DENND1A: variants seen among roughly 807,000 people sequenced by gnomAD.
The protein encoded by DENND1A is DENN domain-containing protein 1A.
A neutral mutation model predicts 113.7 loss-of-function variants in DENND1A; 51 were observed. That is an observed-to-expected ratio of 0.45 (90% CI 0.36 to 0.57). The LOEUF (loss-of-function observed/expected upper bound fraction) is 0.57. DENND1A is among the 20% of genes least tolerant of loss of function. DENND1A has a pLI of 0.00. For synonymous variants in DENND1A, 565 were observed against 570.8 expected (o/e 0.99, Z 0.14); for missense variants, 1,258 against 1,395.9 (o/e 0.90, Z 1.57).
At chr9:123,605,182 C>T (rs1352270779) in intron 11 of DENND1A, among the ~76,000 whole-genome samples, 1 of 152,178 alleles carries the variant, frequency 6.6e-6, no homozygotes, top group Non-Finnish European at 1.5e-5. Flanking sequence ...ACTGTCATTG[C>T]TGTCACCTTT....
At chr9:123,750,430 C>G (rs2069912805) in intron 5 of DENND1A, among the ~76,000 whole-genome samples, 1 of 152,230 alleles carries the variant, frequency 6.6e-6, no homozygotes, top group Non-Finnish European at 1.5e-5. Flanking sequence ...TGCACCCACA[C>G]AAGCCTTTCA....
At chr9:123,754,371 GAA>G (rs1181716690) in intron 5 of DENND1A, among the ~76,000 whole-genome samples, 2 of 152,154 alleles carry the variant, frequency 1.3e-5, no homozygotes, top group Non-Finnish European at 2.9e-5. Flanking sequence ...CCAACAGAGG[GAA>G]AGTGTCAGTG....
At chr9:123,595,218 A>C (rs1416553178) in intron 11 of DENND1A, among the ~76,000 whole-genome samples, 1 of 152,200 alleles carries the variant, frequency 6.6e-6, no homozygotes, top group Non-Finnish European at 1.5e-5. Flanking sequence ...AGCACCTCCC[A>C]GGTCAGGCCA....
chr9:123,520,944 TG>T (rs1461448429), intron 13 of DENND1A, among the ~76,000 whole-genome samples: 1 of 152,242 alleles, frequency 6.6e-6, no homozygotes, highest in East Asian at 1.9e-4. Flanking sequence ...GTCTGGTTTT[TG>T]TTTCTTTTCC....
At chr9:123,728,680 A>C (rs1266183129) in intron 5 of DENND1A, among the ~76,000 whole-genome samples, 2 of 152,100 alleles carry the variant, frequency 1.3e-5, no homozygotes, top group Non-Finnish European at 2.9e-5. Context: ...AATGAAAAAC[A>C]CAGCTGGAAG....
chr9:123,667,214 T>G, intron 7 of DENND1A, 135 bp from the exon 8 acceptor site: 1 of 824,970 alleles, frequency 1.2e-6, no homozygotes, highest in Middle Eastern at 3.2e-4. Flanking sequence ...GAAACACCCA[T>G]GGAATATTTT....
intron 2 of DENND1A, among the ~76,000 whole-genome samples, chr9:123,802,771 C>G (rs1221633605): frequency 6.6e-6 from 1 of 151,790 alleles, no homozygotes; most frequent in Non-Finnish European, 1.5e-5. Context: ...GGCGCGATCT[C>G]GGCTCACCGC....
At chr9:123,545,823 A>G (rs2056638168) in intron 13 of DENND1A, among the ~76,000 whole-genome samples, 1 of 152,158 alleles carries the variant, frequency 6.6e-6, no homozygotes, top group Non-Finnish European at 1.5e-5. Flanking sequence ...GAAGTCACTT[A>G]GCACCATTTC....
chr9:123,804,225 C>T (rs1423171671), intron 2 of DENND1A, among the ~76,000 whole-genome samples: 1 of 152,206 alleles, frequency 6.6e-6, no homozygotes, highest in Non-Finnish European at 1.5e-5. Flanking sequence ...CTGCTGCCAT[C>T]CATGTAATAC....
intron 19 of DENND1A, among the ~76,000 whole-genome samples, chr9:123,427,112 G>A (rs550933407): frequency 4.6e-5 from 7 of 152,370 alleles, no homozygotes; most frequent in African/African-American, 1.2e-4. Flanking sequence ...GACCAAACTT[G>A]TTGGGGTTTA....
chr9:123,476,927 T>A (rs1219102062), intron 13 of DENND1A, among the ~76,000 whole-genome samples: 1 of 152,212 alleles, frequency 6.6e-6, no homozygotes, highest in Non-Finnish European at 1.5e-5. Context: ...GCGGTGGCTC[T>A]ACTTCTCTTC....
intron 10 of DENND1A, among the ~76,000 whole-genome samples, chr9:123,612,830 C>G (rs2060476391): frequency 6.6e-6 from 1 of 152,168 alleles, no homozygotes; most frequent in Non-Finnish European, 1.5e-5. Flanking sequence ...AGTACCTGGC[C>G]TAGTAGAAAT....
intron 5 of DENND1A, among the ~76,000 whole-genome samples, chr9:123,698,203 C>G (rs1425181741): frequency 6.6e-6 from 1 of 152,148 alleles, no homozygotes; most frequent in East Asian, 1.9e-4. Context: ...GTCCAAAGAA[C>G]AAACCAAGGA....
At chr9:123,394,309 T>G (rs1410535198) in intron 21 of DENND1A, among the ~76,000 whole-genome samples, 1 of 152,128 alleles carries the variant, frequency 6.6e-6, no homozygotes, top group Non-Finnish European at 1.5e-5. Context: ...GAGAGGATCA[T>G]AATGACCTGG....
At chr9:123,926,373 G>A (rs933356362) in intron 1 of DENND1A, among the ~76,000 whole-genome samples, 1 of 152,052 alleles carries the variant, frequency 6.6e-6, no homozygotes, top group Admixed American at 6.6e-5. Flanking sequence ...TTCAAGACCA[G>A]CCTGACCAAC....
intron 2 of DENND1A, among the ~76,000 whole-genome samples, chr9:123,870,003 C>CAA (rs11430845): frequency 0.014 from 1,085 of 78,132 alleles, 25 homozygotes; most frequent in African/African-American, 0.034. Context: ...GACCCTGTCT[C>CAA]AAAAAAAAAA....
intron 5 of DENND1A, among the ~76,000 whole-genome samples, chr9:123,679,249 T>C (rs1008686900): frequency 6.6e-6 from 1 of 152,128 alleles, no homozygotes; most frequent in African/African-American, 2.4e-5. Flanking sequence ...TCCATCGAAG[T>C]AGTTTTGGAT....
intron 1 of DENND1A, among the ~76,000 whole-genome samples, chr9:123,903,729 G>A (rs961018119): frequency 8.5e-5 from 13 of 152,192 alleles, no homozygotes; most frequent in South Asian, 2.1e-4. Context: ...CTACACCCAC[G>A]GTGTCTCGCT....
At chr9:123,688,007 G>A (rs1448237656) in intron 5 of DENND1A, among the ~76,000 whole-genome samples, 1 of 152,224 alleles carries the variant, frequency 6.6e-6, no homozygotes, top group Non-Finnish European at 1.5e-5. Flanking sequence ...GCACCAAACC[G>A]ATCAAAGTAT....
Sources: gnomAD v4.1 joint callset for allele counts (sites outside exome capture counted in the v4.1 genomes callset) on GRCh38, gnomAD v4.1.1 for gene constraint, MANE v1.5 for transcripts, NCBI Gene and HGNC (gene_info 2026-07-23, HGNC 2026-07-21) for gene names.